GAS7: variants seen among roughly 807,000 people sequenced by gnomAD.
GAS7 encodes growth arrest specific 7, also known as growth arrest-specific protein 7.
Under a neutral mutation model 71.1 loss-of-function variants are expected in GAS7, and 28 were observed. That is an observed-to-expected ratio of 0.39 (90% CI 0.29 to 0.54). The LOEUF is 0.54. Ranked by LOEUF, GAS7 falls within the 20% of genes least tolerant of loss-of-function variation. The pLI is 0.62. For synonymous variants in GAS7, 258 were observed against 245.8 expected, an observed-to-expected ratio of 1.05 and a Z score of -0.46; for missense variants, 436 against 627.8, an observed-to-expected ratio of 0.69 and a Z score of 3.27.
At chr17:10,075,077 G>T (rs2073376814) in intron 1 of GAS7, among the ~76,000 whole-genome samples, 1 of 152,114 alleles carries the variant, frequency 6.6e-6, no homozygotes, top group Non-Finnish European at 1.5e-5. Context: ...AAAATTAAGG[G>T]CTGGGAGCGG....
chr17:9,969,095 G>T lies in GAS7; in HGVS notation c.471+582C>A, dbSNP rs867628763. ...TGAGCCTGCACAGGTCACAAAACCA[G>T]TTGGAGCCTCGGTGACCTCATGCAT... is the stretch of plus-strand genomic sequence containing the variant. On this transcript the variant is annotated intron_variant, in intron 4 of 13. Transcript: ENST00000432992. This position sits in a 1 kb window ranked among gnomAD's most constrained non-coding sequence, Gnocchi z 5.5. Among the ~76,000 whole-genome samples the T allele has an allele frequency of 4.9e-4, 74 of 152,328 alleles. No homozygotes were observed. Among genetic ancestry groups the T allele is most frequent in the Middle Eastern group, 3.4e-3 (1 of 294 alleles).
Position 10,125,454 on chromosome 17 carries a change from T to G in GAS7, c.183+72754A>C, listed in dbSNP as rs1285483887. 2.7e-5 allele frequency among the ~76,000 whole-genome samples: 4 copies of G among 150,908 alleles called. 1 individual carries two copies. The highest frequency in any genetic ancestry group is 9.8e-5 in the African/African-American group (4 of 40,952). On this transcript the variant is annotated intron_variant, in intron 1 of 13. Coordinates refer to ENST00000432992, the MANE Select transcript of GAS7 (RefSeq NM_201433.2). ...ATCGCTTGAACATGGGAGGCAGATG[T>G]TGCTGTGAGCCAAGATGGTGCCATT...
chr17:10,185,979 G>A lies in GAS7; in HGVS notation c.183+12229C>T, dbSNP rs1444232362. Reference sequence around the variant, plus strand: ...TTTTTTTTTTTTTTTTTTTGGAGACGGAGTCTCGCTCTGACACCCAGGCTG... The same window carrying A: ...TTTTTTTTTTTTTTTTTTTGGAGACAGAGTCTCGCTCTGACACCCAGGCTG... On this transcript the variant is annotated intron_variant, in intron 1 of 13. Transcript: ENST00000432992. Among the ~76,000 whole-genome samples, 8 of 138,390 alleles carry A rather than the reference G, an allele frequency of 5.8e-5. No individual in the cohort carries two copies. The East Asian group carries it at 8.5e-4, about 15-fold the overall frequency. The allele number at this position is 138,390 out of a possible 152,430, so 90.8% of individuals were successfully genotyped here.
chr17:9,917,741 C>T (rs2067631919), intron 13 of GAS7, among the ~76,000 whole-genome samples: 1 of 152,234 alleles, frequency 6.6e-6, no homozygotes, highest in Non-Finnish European at 1.5e-5. Context: ...GCTACTGTAA[C>T]TGTTACGAGC....
chr17:9,918,141 C>CTCCACTT, intron 12 of GAS7, 42 bp from the exon 13 acceptor site: 1 of 1,459,184 alleles, frequency 6.9e-7, no homozygotes, highest in Non-Finnish European at 9.6e-7. Context: ...AGCACGTCCC[C>CTCCACTT]TCCACTTGGG....
intron 1 of GAS7, among the ~76,000 whole-genome samples, chr17:10,056,668 G>A (rs12451553): frequency 0.49 from 74,290 of 151,864 alleles, 20,301 homozygotes; most frequent in Non-Finnish European, 0.59. Flanking sequence ...TCAGGAGATC[G>A]AGACCATCCT....
chr17:10,028,131 T>C (rs2072516000), intron 1 of GAS7, among the ~76,000 whole-genome samples: 1 of 152,186 alleles, frequency 6.6e-6, no homozygotes, highest in Non-Finnish European at 1.5e-5. Flanking sequence ...TCTCGATCTC[T>C]TGACCTCATG....
At chr17:9,923,693 G>A (rs2067899782) in intron 11 of GAS7, among the ~76,000 whole-genome samples, 1 of 152,252 alleles carries the variant, frequency 6.6e-6, no homozygotes, top group Admixed American at 6.5e-5. Flanking sequence ...CATAGATGCT[G>A]TTGATAGGTG....
rs779609708 is a variant in GAS7 at position 9,969,666 on chromosome 17, G to A, written c.471+11C>T. On this transcript the variant is annotated intron_variant, in intron 4 of 13. Coordinates refer to ENST00000432992, the MANE Select transcript of GAS7 (RefSeq NM_201433.2). This position sits in a 1 kb window ranked among gnomAD's most constrained non-coding sequence, Gnocchi z 5.5. Reference sequence around the variant, plus strand: ...AGTGACCGCTATACCTCCCTCAACAGGACCCCTTACCTGGGAATCACCGGT... The same window carrying A: ...AGTGACCGCTATACCTCCCTCAACAAGACCCCTTACCTGGGAATCACCGGT... 1 of 1,550,542 alleles carries A rather than the reference G, an allele frequency of 6.4e-7. No individual in the cohort carries two copies. Among genetic ancestry groups the A allele is most frequent in the Non-Finnish European group, 8.9e-7 (1 of 1,121,928 alleles).
At chr17:10,047,555 C>T (rs1380402267) in intron 1 of GAS7, among the ~76,000 whole-genome samples, 1 of 152,078 alleles carries the variant, frequency 6.6e-6, no homozygotes, top group Non-Finnish European at 1.5e-5. Flanking sequence ...GAGGAAACAC[C>T]ATCCTGAAAG....
chr17:10,063,315 C>T (rs773717737), intron 1 of GAS7, among the ~76,000 whole-genome samples: 135 of 152,298 alleles, frequency 8.9e-4, no homozygotes, highest in Non-Finnish European at 1.6e-3. Context: ...TGTGTGCGTG[C>T]GCATGATACT....
intron 2 of GAS7, among the ~76,000 whole-genome samples, chr17:10,009,916 C>T (rs2071701841): frequency 6.6e-6 from 1 of 152,112 alleles, no homozygotes; most frequent in Non-Finnish European, 1.5e-5. Flanking sequence ...ATTGTTATTT[C>T]AGATTATTTT....
At chr17:9,917,779 G>A (rs923523092) in intron 13 of GAS7, among the ~76,000 whole-genome samples, 10 of 152,176 alleles carry the variant, frequency 6.6e-5, no homozygotes, top group Middle Eastern at 3.2e-3. Context: ...AACAGCTCAC[G>A]TGTGTGTCCA....
At chr17:9,935,566 T>G (rs1319000733) in intron 8 of GAS7, among the ~76,000 whole-genome samples, 1 of 152,186 alleles carries the variant, frequency 6.6e-6, no homozygotes, top group African/African-American at 2.4e-5. Context: ...AAAGACAGCA[T>G]GTGGTGAGGC....
intron 2 of GAS7, among the ~76,000 whole-genome samples, chr17:9,990,828 G>T (rs1471339766): frequency 2.0e-5 from 3 of 152,188 alleles, no homozygotes; most frequent in Non-Finnish European, 4.4e-5. Context: ...GGAACCTGCT[G>T]GGTGCCCTCT....
At chr17:10,165,877 C>A (rs2074290144) in intron 1 of GAS7, among the ~76,000 whole-genome samples, 1 of 152,170 alleles carries the variant, frequency 6.6e-6, no homozygotes, top group Non-Finnish European at 1.5e-5. Flanking sequence ...AAGGCAACAC[C>A]CAGAGGGTCC....
At chr17:10,166,620 C>T (rs1340548093) in intron 1 of GAS7, among the ~76,000 whole-genome samples, 1 of 152,196 alleles carries the variant, frequency 6.6e-6, no homozygotes, top group Non-Finnish European at 1.5e-5. Flanking sequence ...TGCACACACA[C>T]ATTTTGTCGT....
At chr17:10,187,952 T>C (rs2142150701) in intron 1 of GAS7, among the ~76,000 whole-genome samples, 1 of 152,314 alleles carries the variant, frequency 6.6e-6, no homozygotes, top group African/African-American at 2.4e-5. Flanking sequence ...ACATTTAGCA[T>C]CATTAACCAA....
intron 1 of GAS7, among the ~76,000 whole-genome samples, chr17:10,183,885 A>C (rs1421570873): frequency 6.6e-6 from 1 of 150,886 alleles, no homozygotes; most frequent in African/African-American, 2.4e-5. Flanking sequence ...GGGCTCTCAC[A>C]CAGGTAGCAG....
Sources: allele counts gnomAD v4.1 joint callset (sites outside exome capture counted in the v4.1 genomes callset), GRCh38; gene constraint gnomAD v4.1.1; non-coding constraint Gnocchi (gnomAD v3.1); transcripts MANE v1.5; gene names NCBI Gene and HGNC (gene_info 2026-07-23, HGNC 2026-07-21).